The following MAP9 variants were observed in gnomAD, a reference collection of about 807,000 sequenced individuals.
MAP9 encodes the protein microtubule-associated protein 9.
A neutral mutation model predicts 75.2 loss-of-function variants in MAP9; 80 were observed. That is an observed-to-expected ratio of 1.06 (90% CI 0.89 to 1.28). The LOEUF is 1.28. Among genes scored for constraint, MAP9 ranks in the 50% most tolerant of loss-of-function variants. The pLI is 0.00. For missense variants in MAP9, 753 were observed against 719.9 expected (o/e 1.05, Z -0.53); for synonymous variants, 235 against 237.3 (o/e 0.99, Z 0.09).
chr4:155,354,952 T>G lies in MAP9; in HGVS notation c.1380+119A>C. Reference sequence around the variant, plus strand: ...AAAACAGAAGTAAAACCGGAAATCATTTCTTTAATATACAAGTTATTTTGC... The same window carrying G: ...AAAACAGAAGTAAAACCGGAAATCAGTTCTTTAATATACAAGTTATTTTGC... On this transcript the variant is annotated intron_variant, in intron 10 of 13. Coordinates refer to ENST00000311277, the MANE Select transcript of MAP9 (RefSeq NM_001039580.2). 1.2e-5 allele frequency: 6 copies of G among 486,110 alleles called. No individual in the cohort carries two copies. In the South Asian group the frequency reaches 1.8e-4, roughly 14 times the overall value. The allele number at this position is 486,110 out of a possible 1,614,324, so 30.1% of individuals were successfully genotyped here.
intron 1 of MAP9, 185 bp downstream of exon 1, chr4:155,376,586 C>G (rs1732857733): frequency 6.6e-6 from 1 of 152,646 alleles, no homozygotes; most frequent in African/African-American, 2.4e-5. Context: ...GGGTGCTCGC[C>G]GCTCCTCACC....
At position 155,353,042 on chromosome 4, in the gene MAP9, T is replaced by C. The variant is rs980089318; in HGVS notation, c.1558A>G (p.Lys520Glu). The C allele has an allele frequency of 1.3e-6, 2 of 1,541,784 alleles. No individual in the cohort carries two copies. Among genetic ancestry groups the C allele is most frequent in the Non-Finnish European group, 1.8e-6 (2 of 1,141,846 alleles). The change falls in exon 12 of 14, where the codon AAA becomes GAA. Residue 520 changes from lysine (K) to glutamate (E), a missense_variant. Lys to Glu is a moderately conservative substitution (Grantham distance 56, BLOSUM62 1). Coordinates refer to ENST00000311277, the MANE Select transcript of MAP9 (RefSeq NM_001039580.2). Reference protein sequence around the residue: ...GEALQAFEKWKEKKMEYLKEK... With the variant: ...GEALQAFEKWEEKKMEYLKEK... ...TTAAGATATTCCATCTTTTTCTCTT[T>C]CCATTTTTCAAAAGCCTGAAAAAGT...
In MAP9 at chr4:155,352,741, G is replaced by A. The variant is rs1407335648; in HGVS notation, c.1689-13C>T. 1 of 1,513,152 alleles carries A rather than the reference G, an allele frequency of 6.6e-7. No individual in the cohort carries two copies. The highest frequency in any genetic ancestry group is 1.4e-5 in the African/African-American group (1 of 70,348). 93.7% of individuals were successfully genotyped at this position (1,513,152 alleles called of 1,614,324 possible). On this transcript the variant is annotated splice_polypyrimidine_tract_variant and intron_variant, in intron 12 of 13. Transcript: ENST00000311277. ...CTTTTTTTCATTCCTATAGAGCATA[G>A]TATAAAACACTGGAGAGTTAAAGGA...
In MAP9 at chr4:155,353,039, CT is replaced by C; in HGVS notation, c.1560del (p.Glu521ArgfsTer37). On this transcript the variant is annotated frameshift_variant, in exon 12 of 14. Coordinates refer to ENST00000311277, the MANE Select transcript of MAP9 (RefSeq NM_001039580.2). LOFTEE classifies it high-confidence loss of function. ...GEALQAFEKW[K>X]EKKMEYLKEK... Reference sequence around the variant, plus strand: ...TCTTTAAGATATTCCATCTTTTTCTCTTTCCATTTTTCAAAAGCCTGAAAAA... The same window carrying C: ...TCTTTAAGATATTCCATCTTTTTCTCTTCCATTTTTCAAAAGCCTGAAAAA... 1 of 1,538,874 alleles carries C rather than the reference CT, an allele frequency of 6.5e-7. No individual in the cohort carries two copies. The highest frequency in any genetic ancestry group is 8.8e-7 in the Non-Finnish European group (1 of 1,139,924).
chr4:155,348,474 GACCTATAATTATAACTCAAATATAGTA>G (rs1731366597), intron 13 of MAP9, among the ~76,000 whole-genome samples: 1 of 152,052 alleles, frequency 6.6e-6, no homozygotes, highest in Non-Finnish European at 1.5e-5. Flanking sequence ...TAGAAAAAAA[GACCTATAATTATAACTCAAATATAGTA>G]ACTGTTATAA....
At chr4:155,362,292 C>A (rs868508445) in intron 5 of MAP9, 151 bp from the exon 6 acceptor site, 9 of 542,634 alleles carry the variant, frequency 1.7e-5, no homozygotes. Context: ...CAAAGTGTGA[C>A]AAGCCAATGG....
chr4:155,373,675 A>G (rs776159896), intron 3 of MAP9, among the ~76,000 whole-genome samples: 1 of 152,220 alleles, frequency 6.6e-6, no homozygotes, highest in Non-Finnish European at 1.5e-5. Context: ...TCATTAATTT[A>G]TTCAAAATGT....
intron 13 of MAP9, among the ~76,000 whole-genome samples, chr4:155,351,641 T>C (rs562821381): frequency 9.9e-5 from 15 of 151,580 alleles, no homozygotes; most frequent in Admixed American, 9.2e-4. Flanking sequence ...AAACCAACAA[T>C]CTAATAGAAA....
rs754951301 is a variant in MAP9 at position 155,353,178 on chromosome 4, C to T, written c.1542+1G>A. On this transcript the variant is annotated splice_donor_variant, in intron 11 of 13. Transcript: ENST00000311277. LOFTEE classifies it high-confidence loss of function. Reference sequence around the variant, plus strand: ...ATTAAGATGTGCAAAGTTCTGAATACTTGTAGTGCTTCTCCTTTTCTTGCA... The same window carrying T: ...ATTAAGATGTGCAAAGTTCTGAATATTTGTAGTGCTTCTCCTTTTCTTGCA... The T allele has an allele frequency of 1.9e-6, 3 of 1,589,396 alleles. No homozygotes were observed. In the Admixed American group the frequency reaches 5.4e-5, roughly 29 times the overall value.
At chr4:155,350,899 A>T (rs1008634330) in intron 13 of MAP9, 3 of 151,908 alleles carry the variant, frequency 2.0e-5, no homozygotes, top group African/African-American at 7.2e-5. Context: ...TGTTCAGGAG[A>T]GTTCTACAAT....
chr4:155,350,354 GTTATT>G (rs1411830465), intron 13 of MAP9: 2 of 329,616 alleles, frequency 6.1e-6, no homozygotes, highest in African/African-American at 2.3e-5. Context: ...TATCAAACAT[GTTATT>G]TTGTCTTTGG....
intron 8 of MAP9, among the ~76,000 whole-genome samples, chr4:155,356,703 T>C (rs1187247096): frequency 6.6e-6 from 1 of 152,158 alleles, no homozygotes; most frequent in African/African-American, 2.4e-5. Flanking sequence ...ATCATTCATG[T>C]TAAGTTTTGC....
At chr4:155,350,112 C>G in intron 13 of MAP9, 1 of 276,390 alleles carries the variant, frequency 3.6e-6, no homozygotes, top group Admixed American at 5.1e-5. Flanking sequence ...TATTAACTTT[C>G]CCCTAAAGCA....
rs769272203 is a variant in MAP9 at position 155,344,332 on chromosome 4, G to A, written c.*3451C>T. The stretch of plus-strand genomic sequence containing the variant: ...TGAAAGTTTTATCAATATCGAAATT[G>A]TGGAATGGTGAGCAGAATACAACTG... On this transcript the variant is annotated 3_prime_UTR_variant, in exon 14 of 14. Coordinates refer to ENST00000311277, the MANE Select transcript of MAP9 (RefSeq NM_001039580.2). 3 of 151,898 alleles carry A rather than the reference G, an allele frequency of 2.0e-5. No individual in the cohort carries two copies. The highest frequency in any genetic ancestry group is 4.4e-5 in the Non-Finnish European group (3 of 67,858). The allele number at this position is 151,898 out of a possible 1,614,324, so 9.4% of individuals were successfully genotyped here.
intron 3 of MAP9, among the ~76,000 whole-genome samples, chr4:155,374,639 C>T (rs1732758463): frequency 6.6e-6 from 1 of 152,170 alleles, no homozygotes; most frequent in Admixed American, 6.5e-5. Flanking sequence ...CTGTCTTCTT[C>T]AATGTGGTTT....
intron 7 of MAP9, 102 bp downstream of exon 7, chr4:155,360,066 C>T (rs1731998421): frequency 9.5e-6 from 10 of 1,054,748 alleles, no homozygotes; most frequent in Non-Finnish European, 1.4e-5. Context: ...GATAAATTTT[C>T]CACTGGTAAT....
At chr4:155,361,499 A>G (rs1012366386) in intron 6 of MAP9, among the ~76,000 whole-genome samples, 4 of 152,046 alleles carry the variant, frequency 2.6e-5, no homozygotes, top group Non-Finnish European at 5.9e-5. Flanking sequence ...AACAATTCAC[A>G]TATCACACCA....
intron 10 of MAP9, chr4:155,354,099 G>A (rs9996078): frequency 0.34 from 51,442 of 152,110 alleles, 10,314 homozygotes; most frequent in East Asian, 0.58. Flanking sequence ...TGCTATGAAC[G>A]TGGTTAACAG....
At chr4:155,359,071 G>C (rs1198888493) in intron 7 of MAP9, among the ~76,000 whole-genome samples, 1 of 151,906 alleles carries the variant, frequency 6.6e-6, no homozygotes, top group Non-Finnish European at 1.5e-5. Context: ...CCCACTGTGA[G>C]TATCTGCCAA....
Sources: gnomAD v4.1 joint callset for allele counts (sites outside exome capture counted in the v4.1 genomes callset) on GRCh38, gnomAD v4.1.1 for gene constraint, MANE v1.5 for transcripts, NCBI Gene and HGNC (gene_info 2026-07-23, HGNC 2026-07-21) for gene names.